Variants in UGT2B7 observed in about 807,000 individuals in gnomAD.
UGT2B7 encodes UDP-glucuronosyltransferase 2B7.
A neutral mutation model predicts 51.9 loss-of-function variants in UGT2B7; 51 were observed. The ratio of observed to expected loss-of-function variants is 0.98; its 90% CI spans 0.78 to 1.24. The LOEUF (loss-of-function observed/expected upper bound fraction) is 1.24. Ranked by LOEUF, UGT2B7 falls within the 50% of genes most tolerant of loss-of-function variation. UGT2B7 has a pLI of 0.00. For missense variants in UGT2B7, 727 were observed against 628.4 expected (o/e 1.16, Z -1.68); for synonymous variants, 225 against 211.6 (o/e 1.06, Z -0.55).
chr4:69,107,314 T>G (rs746892573), intron 4 of UGT2B7, 52 bp downstream of exon 4: 1 of 1,514,778 alleles, frequency 6.6e-7, no homozygotes, highest in East Asian at 2.3e-5. Context: ...CACATTAGAG[T>G]GTTAATAGTT....
At chr4:69,059,961 GA>G (rs1718306155) in intron 1 of UGT2B7, among the ~76,000 whole-genome samples, 1 of 152,154 alleles carries the variant, frequency 6.6e-6, no homozygotes, top group Non-Finnish European at 1.5e-5. Flanking sequence ...ACCAATTAAT[GA>G]GCCTATTTTT....
intron 5 of UGT2B7, among the ~76,000 whole-genome samples, chr4:69,110,471 AAG>A: frequency 3.5e-5 from 1 of 28,264 alleles, no homozygotes; most frequent in South Asian, 1.0e-3. Context: ...TACCATATAG[AAG>A]AATATTTATG....
At chr4:69,084,028 C>A (rs1718894116) in intron 1 of UGT2B7, among the ~76,000 whole-genome samples, 1 of 151,914 alleles carries the variant, frequency 6.6e-6, no homozygotes, top group African/African-American at 2.4e-5. Context: ...CATATATGGC[C>A]TTTATAAGTT....
intron 1 of UGT2B7, among the ~76,000 whole-genome samples, chr4:69,074,198 G>A (rs1718655327): frequency 6.6e-6 from 1 of 151,920 alleles, no homozygotes; most frequent in African/African-American, 2.4e-5. Flanking sequence ...AATACTAGTT[G>A]GGTGTGGTGT....
At chr4:69,108,506 TA>T (rs141949682) in intron 5 of UGT2B7, among the ~76,000 whole-genome samples, 184 bp downstream of exon 5, 5,051 of 152,178 alleles carry the variant, frequency 0.033, 118 homozygotes, top group Middle Eastern at 0.11. Context: ...CACATACATC[TA>T]AAGAATAGCC....
In UGT2B7 at chr4:69,112,604, C is replaced by G; in HGVS notation, c.1458C>G (p.Phe486Leu). 1 of 1,613,940 alleles carries G rather than the reference C, an allele frequency of 6.2e-7. No individual in the cohort carries two copies. The highest frequency in any genetic ancestry group is 8.5e-7 in the Non-Finnish European group (1 of 1,179,860). The change falls in exon 6 of 6, where the codon TTC becomes TTG. Residue 486 changes from phenylalanine (F) to leucine (L), a missense_variant. By Grantham distance (22) the Phe-to-Leu change is conservative (BLOSUM62 0). Transcript: ENST00000305231. ...TTGCAGCCCACGACCTCACCTGGTT[C>G]CAGTACCACTCTTTGGATGTGATTG... is the stretch of plus-strand genomic sequence containing the variant. The part of the protein sequence containing the change: ...LRVAAHDLTW[F>L]QYHSLDVIGF...
intron 3 of UGT2B7, among the ~76,000 whole-genome samples, chr4:69,103,508 A>C (rs1274023687): frequency 6.6e-6 from 1 of 152,216 alleles, no homozygotes; most frequent in Non-Finnish European, 1.5e-5. Flanking sequence ...ACACTCATAC[A>C]TACTGCTGAA....
At chr4:69,063,752 T>C (rs1316481258) in intron 1 of UGT2B7, among the ~76,000 whole-genome samples, 2 of 152,144 alleles carry the variant, frequency 1.3e-5, no homozygotes, top group African/African-American at 4.8e-5. Context: ...GTTTTCATCC[T>C]TTGGTGGTTT....
chr4:69,090,453 TTC>T (rs1230446486), intron 2 of UGT2B7, among the ~76,000 whole-genome samples: 2 of 137,768 alleles, frequency 1.5e-5, no homozygotes, highest in African/African-American at 2.8e-5. Context: ...TCTAAGTAAC[TTC>T]TTTTTCTTTT....
At chr4:69,059,126 T>C (rs935121845) in intron 1 of UGT2B7, among the ~76,000 whole-genome samples, 2 of 152,228 alleles carry the variant, frequency 1.3e-5, no homozygotes, top group Admixed American at 1.3e-4. Flanking sequence ...ACCAGGCTGC[T>C]TCTCTTTGGG....
rs568060627 is a variant in UGT2B7 at position 69,059,460 on chromosome 4, G to A, written c.-159+7858G>A. Among the ~76,000 whole-genome samples, 124 of 152,250 alleles carry A rather than the reference G, an allele frequency of 8.1e-4. 4 individuals carry two copies. The highest frequency in any genetic ancestry group is 1.4e-3 in the African/African-American group (59 of 41,550). ...ATGTAACTTTAAATCTACCTCACCCGGAGGCTATGATGTTAACCCGTACTG... is the reference window on the plus strand; with the variant it reads ...ATGTAACTTTAAATCTACCTCACCCAGAGGCTATGATGTTAACCCGTACTG... On this transcript the variant is annotated intron_variant, in intron 1 of 5. Transcript: ENST00000502942.
chr4:69,102,676 A>G, intron 2 of UGT2B7, 131 bp from the exon 3 acceptor site: 1 of 1,403,086 alleles, frequency 7.1e-7, no homozygotes, highest in Non-Finnish European at 9.6e-7. Flanking sequence ...TGGGTCAGTT[A>G]AAAAATATTA....
intron 1 of UGT2B7, among the ~76,000 whole-genome samples, chr4:69,070,194 C>A (rs1718569743): frequency 6.7e-6 from 1 of 148,270 alleles, no homozygotes; most frequent in South Asian, 2.1e-4. Context: ...CTATACTGTG[C>A]ATTTCAAAAA....
chr4:69,089,523 T>A (rs1203554814), exon 2 of UGT2B7: 8 of 152,256 alleles, frequency 5.3e-5, no homozygotes, highest in Admixed American at 5.2e-4. Flanking sequence ...TGTGGTGTTT[T>A]CTCTGGGGCC....
chr4:69,085,205 T>C (rs1718923560), intron 1 of UGT2B7, among the ~76,000 whole-genome samples: 1 of 152,224 alleles, frequency 6.6e-6, no homozygotes, highest in Non-Finnish European at 1.5e-5. Context: ...TTGATTTGCA[T>C]TTCTCTAATG....
chr4:69,053,881 C>T (rs1414643876), intron 1 of UGT2B7, among the ~76,000 whole-genome samples: 1 of 151,972 alleles, frequency 6.6e-6, no homozygotes, highest in Non-Finnish European at 1.5e-5. Context: ...TTTGGCTATC[C>T]CTTTCATCCT....
chr4:69,081,678 G>A (rs889208001), intron 1 of UGT2B7, among the ~76,000 whole-genome samples: 15 of 151,992 alleles, frequency 9.9e-5, no homozygotes, highest in African/African-American at 3.1e-4. Flanking sequence ...ACTCTGTCTA[G>A]ATTCTACCAA....
chr4:69,072,041 A>G (rs1398521909), intron 1 of UGT2B7, among the ~76,000 whole-genome samples: 3 of 152,108 alleles, frequency 2.0e-5, no homozygotes, highest in East Asian at 3.8e-4. Flanking sequence ...TTCATGAGCT[A>G]TCAAAGAATA....
chr4:69,067,695 C>T (rs529155990), intron 1 of UGT2B7: 1 of 153,802 alleles, frequency 6.5e-6, no homozygotes. Context: ...GCAGCAGTGA[C>T]TCTGAATATG....
Sources: gnomAD v4.1 joint callset for allele counts (sites outside exome capture counted in the v4.1 genomes callset) on GRCh38, gnomAD v4.1.1 for gene constraint, MANE v1.5 for transcripts, NCBI Gene and HGNC (gene_info 2026-07-23, HGNC 2026-07-21) for gene names.